Variants in ABI3BP observed in about 807,000 individuals in gnomAD.
The protein encoded by ABI3BP is target of Nesh-SH3.
Under a neutral mutation model 268.6 loss-of-function variants are expected in ABI3BP, and 216 were observed. The ratio of observed to expected loss-of-function variants is 0.80; its 90% CI spans 0.72 to 0.90. The LOEUF (loss-of-function observed/expected upper bound fraction) is 0.90. Ranked by LOEUF, ABI3BP falls within the 40% of genes least tolerant of loss-of-function variation. ABI3BP has a pLI of 0.00. For missense variants in ABI3BP, 2,090 were observed against 2,182.4 expected, an observed-to-expected ratio of 0.96 and a Z score of 0.84; for synonymous variants, 730 against 730.0, an observed-to-expected ratio of 1.00 and a Z score of 0.00.
At chr3:100,832,915 A>G (rs1314984803) in intron 30 of ABI3BP, among the ~76,000 whole-genome samples, 3 of 152,198 alleles carry the variant, frequency 2.0e-5, no homozygotes, top group East Asian at 1.9e-4. Context: ...AGACTCAGAC[A>G]TGACACAGTT....
intron 56 of ABI3BP, 53 bp downstream of exon 56, chr3:100,789,401 T>C: frequency 6.5e-7 from 1 of 1,546,712 alleles, no homozygotes; most frequent in Non-Finnish European, 8.8e-7. Flanking sequence ...TTCAGTCCAT[T>C]TCATATCTTC....
chr3:100,775,358 T>C, intron 59 of ABI3BP, 23 bp from the exon 60 acceptor site: 1 of 1,586,838 alleles, frequency 6.3e-7, no homozygotes, highest in East Asian at 2.3e-5. Context: ...GCCAAAGTAG[T>C]CAGGCTTTAT....
chr3:100,978,474 C>G lies in ABI3BP; in HGVS notation c.79+14832G>C, dbSNP rs556946511. On this transcript the variant is annotated intron_variant, in intron 1 of 67. Coordinates refer to ENST00000471714, the MANE Select transcript of ABI3BP (RefSeq NM_001375547.2). ...ATATACACAAGTGGAATGACTCCCACTAATAGCTCATAATGTCACAAAAAC... is the reference window on the plus strand; with the variant it reads ...ATATACACAAGTGGAATGACTCCCAGTAATAGCTCATAATGTCACAAAAAC... 1.6e-4 allele frequency among the ~76,000 whole-genome samples: 25 copies of G among 152,326 alleles called. No individual in the cohort carries two copies. In the South Asian group the frequency reaches 5.2e-3, roughly 32 times the overall value.
intron 4 of ABI3BP, among the ~76,000 whole-genome samples, chr3:100,889,911 C>G (rs1354479675): frequency 6.6e-6 from 1 of 152,064 alleles, no homozygotes; most frequent in Non-Finnish European, 1.5e-5. Context: ...ATCTCTCCAC[C>G]CTCTTAAGCA....
At chr3:100,961,813 T>C (rs2079208809) in intron 1 of ABI3BP, among the ~76,000 whole-genome samples, 1 of 152,204 alleles carries the variant, frequency 6.6e-6, no homozygotes, top group African/African-American at 2.4e-5. Context: ...AAAAATAGCC[T>C]TCATGGATGT....
intron 51 of ABI3BP, among the ~76,000 whole-genome samples, chr3:100,796,954 T>C (rs1379582923): frequency 6.6e-6 from 1 of 152,070 alleles, no homozygotes; most frequent in African/African-American, 2.4e-5. Flanking sequence ...CACAGTCTTA[T>C]TCTAAATGGC....
At chr3:100,780,847 G>T (rs1021466002) in intron 57 of ABI3BP, among the ~76,000 whole-genome samples, 2 of 152,058 alleles carry the variant, frequency 1.3e-5, no homozygotes, top group African/African-American at 4.8e-5. Flanking sequence ...CAATAATCTT[G>T]TGGTTATTAC....
chr3:100,923,096 A>G (rs1451136910), intron 2 of ABI3BP, among the ~76,000 whole-genome samples: 1 of 152,192 alleles, frequency 6.6e-6, no homozygotes, highest in East Asian at 1.9e-4. Context: ...AGGAATTAAT[A>G]AAAAGAACAT....
intron 1 of ABI3BP, among the ~76,000 whole-genome samples, chr3:100,941,017 A>C (rs748368040): frequency 6.6e-4 from 100 of 150,740 alleles, no homozygotes; most frequent in Non-Finnish European, 6.1e-4. Flanking sequence ...ATTTGTATAA[A>C]TCTAAAGAAT....
At chr3:100,975,955 G>A (rs1356116574) in intron 1 of ABI3BP, among the ~76,000 whole-genome samples, 1 of 152,110 alleles carries the variant, frequency 6.6e-6, no homozygotes, top group East Asian at 1.9e-4. Context: ...CTGGCCAACT[G>A]GATAGAAACT....
chr3:100,925,216 T>C (rs1392602175), intron 2 of ABI3BP, among the ~76,000 whole-genome samples: 4 of 152,266 alleles, frequency 2.6e-5, no homozygotes, highest in Non-Finnish European at 1.5e-5. Flanking sequence ...CAGGACAAAA[T>C]AGATTCATCT....
At chr3:100,860,361 G>A (rs1360732841) in intron 14 of ABI3BP, among the ~76,000 whole-genome samples, 1 of 152,178 alleles carries the variant, frequency 6.6e-6, no homozygotes, top group African/African-American at 2.4e-5. Flanking sequence ...TTTGTCTAGA[G>A]AGGGTGGGGA....
At chr3:100,909,175 A>T (rs1007648407) in intron 2 of ABI3BP, among the ~76,000 whole-genome samples, 2 of 152,244 alleles carry the variant, frequency 1.3e-5, no homozygotes, top group African/African-American at 2.4e-5. Context: ...TCACTACTTA[A>T]CAAATGGTGT....
chr3:100,834,600 G>A (rs776288110), intron 29 of ABI3BP, 84 bp downstream of exon 29: 43 of 1,292,752 alleles, frequency 3.3e-5, no homozygotes, highest in Non-Finnish European at 4.3e-5. Flanking sequence ...GGGTCAAGTG[G>A]GTTATAAAGT....
intron 59 of ABI3BP, among the ~76,000 whole-genome samples, chr3:100,776,011 T>A (rs1577272329): frequency 6.6e-6 from 1 of 152,130 alleles, no homozygotes; most frequent in African/African-American, 2.4e-5. Context: ...TTCCTAGGGT[T>A]AATGTCCATG....
Position 100,794,977 on chromosome 3 carries a change from A to G in ABI3BP, c.3892T>C (p.Phe1298Leu). The G allele has an allele frequency of 6.4e-7, 1 of 1,559,730 alleles. No individual in the cohort carries two copies. The highest frequency in any genetic ancestry group is 8.7e-7 in the Non-Finnish European group (1 of 1,154,740). The change falls in exon 54 of 68, where the codon TTT (phenylalanine) becomes CTT (leucine). Residue 1298 changes from phenylalanine (F) to leucine (L), a missense_variant. Physicochemically the swap from Phe to Leu is conservative, Grantham distance 22. Transcript: ENST00000471714. ...GGACTTGGGGAAATCATGGGTATAA[A>G]AGGGATGCCTCGTGTCTCTAGAGGA... is the stretch of plus-strand genomic sequence containing the variant. The part of the protein sequence containing the change: ...IAPLETRGIP[F>L]IPMISPSPSQ...
chr3:100,811,824 G>T, intron 46 of ABI3BP, 25 bp from the exon 47 acceptor site: 7 of 1,526,956 alleles, frequency 4.6e-6, no homozygotes, highest in Non-Finnish European at 6.1e-6. Flanking sequence ...GGAATGGCTG[G>T]TTAGTGGTGG....
intron 66 of ABI3BP, chr3:100,752,577 T>G: frequency 2.0e-6 from 1 of 492,024 alleles, no homozygotes; most frequent in Non-Finnish European, 3.6e-6. Context: ...GTTTTATAAT[T>G]GCATTTTTAT....
At chr3:100,868,858 G>T (rs1331949403) in intron 9 of ABI3BP, among the ~76,000 whole-genome samples, 2 of 151,380 alleles carry the variant, frequency 1.3e-5, no homozygotes, top group Non-Finnish European at 2.9e-5. Flanking sequence ...AATTTTATCA[G>T]TTTTTTTTCT....
Sources: gnomAD v4.1 joint callset for allele counts (sites outside exome capture counted in the v4.1 genomes callset) on GRCh38, gnomAD v4.1.1 for gene constraint, MANE v1.5 for transcripts, NCBI Gene and HGNC (gene_info 2026-07-23, HGNC 2026-07-21) for gene names.